The following DPP10 variants were observed in gnomAD, a reference collection of about 807,000 sequenced individuals.
DPP10 encodes dipeptidyl peptidase like 10.
Under a neutral mutation model 120.9 loss-of-function variants are expected in DPP10, and 33 were observed. The observed-to-expected ratio is 0.27, with a 90% CI of 0.21 to 0.37. The LOEUF (loss-of-function observed/expected upper bound fraction) is 0.37. Among genes scored for constraint, DPP10 ranks in the 10% least tolerant of loss-of-function variants. The pLI is 1.00. For synonymous variants in DPP10, 337 were observed against 326.1 expected (o/e 1.03, Z -0.36); for missense variants, 816 against 942.8 (o/e 0.87, Z 1.76).
intron 1 of DPP10, among the ~76,000 whole-genome samples, chr2:114,784,550 A>G (rs1270364727): frequency 1.3e-5 from 2 of 152,064 alleles, no homozygotes; most frequent in African/African-American, 2.4e-5. Context: ...CAGAGAGCAC[A>G]TGGTTGATCC....
chr2:114,777,920 T>C (rs1346840831), intron 1 of DPP10, among the ~76,000 whole-genome samples: 1 of 152,082 alleles, frequency 6.6e-6, no homozygotes, highest in Non-Finnish European at 1.5e-5. Context: ...CTTAAATAAT[T>C]GTAGGGTAGT....
At chr2:115,227,109 A>G (rs2057471951) in intron 1 of DPP10, among the ~76,000 whole-genome samples, 1 of 152,188 alleles carries the variant, frequency 6.6e-6, no homozygotes, top group East Asian at 1.9e-4. Flanking sequence ...TCATCAACCT[A>G]ACATCAAGAT....
chr2:114,775,535 C>T (rs1445769146), intron 1 of DPP10, among the ~76,000 whole-genome samples: 4 of 152,254 alleles, frequency 2.6e-5, no homozygotes, highest in Middle Eastern at 3.4e-3. Flanking sequence ...TTTGAGCTTC[C>T]TCAAAATCTT....
chr2:115,799,367 G>T (rs974591268), intron 19 of DPP10, among the ~76,000 whole-genome samples: 1 of 151,586 alleles, frequency 6.6e-6, no homozygotes, highest in East Asian at 1.9e-4. Flanking sequence ...ATTTATAAGG[G>T]CACACAAAAA....
intron 19 of DPP10, among the ~76,000 whole-genome samples, chr2:115,811,861 A>G (rs145302458): frequency 1.3e-5 from 2 of 152,328 alleles, no homozygotes; most frequent in East Asian, 3.9e-4. Context: ...TTGTGCATTT[A>G]ATTACTGTAC....
intron 1 of DPP10, among the ~76,000 whole-genome samples, chr2:114,576,054 A>T (rs1690023683): frequency 6.6e-6 from 1 of 152,250 alleles, no homozygotes; most frequent in Admixed American, 6.5e-5. Flanking sequence ...GGATAAAGTA[A>T]AACTTCTTTA....
At chr2:114,749,125 G>A (rs1678933820) in intron 1 of DPP10, among the ~76,000 whole-genome samples, 1 of 146,210 alleles carries the variant, frequency 6.8e-6, no homozygotes, top group African/African-American at 2.6e-5. Flanking sequence ...ATCTCATAGT[G>A]GTTTTGATTT....
chr2:114,836,672 G>A (rs143672462), intron 1 of DPP10, among the ~76,000 whole-genome samples: 13,232 of 152,166 alleles, frequency 0.087, 696 homozygotes, highest in Non-Finnish European at 0.11. Context: ...GACAGGGTTT[G>A]AGAGCAGACA....
At chr2:115,481,858 A>G (rs993180182) in intron 3 of DPP10, among the ~76,000 whole-genome samples, 1 of 152,118 alleles carries the variant, frequency 6.6e-6, no homozygotes, top group Non-Finnish European at 1.5e-5. Flanking sequence ...TTGTCAACTT[A>G]TTCAGAATAT....
At chr2:115,667,293 C>G (rs571467696) in intron 5 of DPP10, among the ~76,000 whole-genome samples, 2 of 152,162 alleles carry the variant, frequency 1.3e-5, no homozygotes, top group African/African-American at 4.8e-5. Flanking sequence ...TTTCTCCAGT[C>G]TGTAGGTTGT....
At chr2:114,716,626 A>G (rs1055835445) in intron 1 of DPP10, among the ~76,000 whole-genome samples, 4 of 152,206 alleles carry the variant, frequency 2.6e-5, no homozygotes, top group South Asian at 2.1e-4. Context: ...CTTGCTGTAT[A>G]CAAACAAAAC....
rs987195522 is a variant in DPP10 at position 115,745,108 on chromosome 2, A to C, written c.853-978A>C. Among the ~76,000 whole-genome samples, 6 of 150,240 alleles carry C rather than the reference A, an allele frequency of 4.0e-5. 1 individual carries two copies. The highest frequency in any genetic ancestry group is 2.1e-4 in the Admixed American group (3 of 14,144). ...ATGAAAGTTCTCATTCCTGCCCCTT[A>C]CTCACAGTGTATTTGGCAAAACTTT... On this transcript the variant is annotated intron_variant, in intron 9 of 25. Coordinates refer to ENST00000410059, the MANE Select transcript of DPP10 (RefSeq NM_020868.6).
chr2:114,495,553 A>C (rs183949369), intron 1 of DPP10, among the ~76,000 whole-genome samples: 159 of 152,318 alleles, frequency 1.0e-3, no homozygotes, highest in Non-Finnish European at 1.8e-3. Flanking sequence ...CAAAATAATG[A>C]ATTTGAACAT....
At chr2:115,544,202 T>C (rs2148976056) in intron 5 of DPP10, among the ~76,000 whole-genome samples, 1 of 152,144 alleles carries the variant, frequency 6.6e-6, no homozygotes, top group East Asian at 1.9e-4. Context: ...TCTTATGATA[T>C]TTGTAGAATA....
chr2:115,403,186 A>C (rs953148216), intron 3 of DPP10, among the ~76,000 whole-genome samples: 2 of 151,676 alleles, frequency 1.3e-5, no homozygotes, highest in South Asian at 2.1e-4. Context: ...AAAAGCATTT[A>C]AGAAAACTCA....
chr2:115,306,291 AC>A (rs1445906289), intron 1 of DPP10, among the ~76,000 whole-genome samples: 1 of 152,032 alleles, frequency 6.6e-6, no homozygotes, highest in Non-Finnish European at 1.5e-5. Context: ...TGAATGACTG[AC>A]AGTGTCTATA....
chr2:115,273,316 T>C (rs1334877147), intron 1 of DPP10, among the ~76,000 whole-genome samples: 1 of 152,112 alleles, frequency 6.6e-6, no homozygotes, highest in Admixed American at 6.6e-5. Context: ...TTTCAGAGTT[T>C]CTTGAGACAG....
chr2:114,924,940 G>A (rs1010196766), intron 1 of DPP10, among the ~76,000 whole-genome samples: 11 of 152,270 alleles, frequency 7.2e-5, no homozygotes, highest in South Asian at 6.2e-4. Flanking sequence ...GGCTGGGCAC[G>A]GTGGCTCACG....
chr2:114,944,112 A>G (rs186264213), intron 1 of DPP10, among the ~76,000 whole-genome samples: 21 of 152,304 alleles, frequency 1.4e-4, no homozygotes, highest in Middle Eastern at 6.8e-3. Context: ...TTTCAGGAGT[A>G]GGATACTTTG....
Sources: gnomAD v4.1 joint callset for allele counts (sites outside exome capture counted in the v4.1 genomes callset) on GRCh38, gnomAD v4.1.1 for gene constraint, MANE v1.5 for transcripts, NCBI Gene and HGNC (gene_info 2026-07-23, HGNC 2026-07-21) for gene names.